The following CABIN1 variants were observed in gnomAD, a reference collection of about 807,000 sequenced individuals.
The protein encoded by CABIN1 is calcineurin-binding protein cabin-1.
CABIN1 carries 133 observed loss-of-function variants against 227.7 expected under a neutral mutation model. The observed-to-expected ratio is 0.58, with a 90% confidence interval of 0.51 to 0.67. The LOEUF is 0.67. Among genes scored for constraint, CABIN1 ranks in the 30% least tolerant of loss-of-function variants. The pLI is 0.00. For missense variants in CABIN1, 2,408 were observed against 2,852.5 expected (o/e 0.84, Z 3.55); for synonymous variants, 1,086 against 1,155.1 (o/e 0.94, Z 1.21).
chr22:24,120,454 C>G lies in CABIN1; in HGVS notation c.4632+756C>G, dbSNP rs189468295. On this transcript the variant is annotated intron_variant, in intron 28 of 36. Coordinates refer to ENST00000263119, the MANE Select transcript of CABIN1 (RefSeq NM_012295.4). ...CTTTATTTTCCTTTAGTCTCTCACC[C>G]AGGAGGTGTTGGGGAGTGTCCTGGT... is the stretch of plus-strand genomic sequence containing the variant. Among the ~76,000 whole-genome samples, 7 of 152,282 alleles carry G rather than the reference C, an allele frequency of 4.6e-5. No homozygotes were observed. In the East Asian group the frequency reaches 1.4e-3, roughly 29 times the overall value.
chr22:24,168,442 T>C lies in CABIN1; in HGVS notation c.5683-5T>C. 2 of 1,568,564 alleles carry C rather than the reference T, an allele frequency of 1.3e-6. No homozygotes were observed. Among genetic ancestry groups the C allele is most frequent in the Non-Finnish European group, 1.7e-6 (2 of 1,156,714 alleles). On this transcript the variant is annotated splice_polypyrimidine_tract_variant and splice_region_variant and intron_variant, in intron 32 of 36. Coordinates refer to ENST00000263119, the MANE Select transcript of CABIN1 (RefSeq NM_012295.4). ...CCCCCTGACTTCCAGCATCTCCCTG[T>C]TAAGGTGGATGAGGAGGCTGCGCTG...
intron 10 of CABIN1, chr22:24,056,572 G>C (rs2038814652): frequency 5.1e-6 from 3 of 585,586 alleles, no homozygotes; most frequent in Non-Finnish European, 6.0e-6. Flanking sequence ...CCTGAAGTCA[G>C]GAGCTGTGAC....
At chr22:24,050,491 CTTTTAAGATT>C in intron 7 of CABIN1, among the ~76,000 whole-genome samples, 1 of 152,304 alleles carries the variant, frequency 6.6e-6, no homozygotes, top group Non-Finnish European at 1.5e-5. Context: ...TAGTTACATT[CTTTTAAGATT>C]TTCTAATAAT....
chr22:24,144,230 C>G (rs2044966403), intron 29 of CABIN1, among the ~76,000 whole-genome samples: 1 of 152,246 alleles, frequency 6.6e-6, no homozygotes, highest in Admixed American at 6.5e-5. Flanking sequence ...CATCTAAGCT[C>G]TCTGTTCCAG....
At chr22:24,014,342 G>A (rs970414556) in intron 1 of CABIN1, among the ~76,000 whole-genome samples, 1 of 151,622 alleles carries the variant, frequency 6.6e-6, no homozygotes, top group Non-Finnish European at 1.5e-5. Context: ...TCATTATTTT[G>A]TTGCTTACTG....
chr22:24,160,869 G>A (rs1425554278), intron 29 of CABIN1, among the ~76,000 whole-genome samples: 3 of 152,258 alleles, frequency 2.0e-5, no homozygotes, highest in Non-Finnish European at 4.4e-5. Flanking sequence ...CAAGAGCACA[G>A]GCTGGCCCGG....
chr22:24,040,085 G>T (rs776659585), intron 4 of CABIN1, among the ~76,000 whole-genome samples: 5 of 152,178 alleles, frequency 3.3e-5, no homozygotes, highest in Non-Finnish European at 5.9e-5. Context: ...ATTGCTGATT[G>T]TTTAGTTCGA....
intron 26 of CABIN1, among the ~76,000 whole-genome samples, chr22:24,099,802 C>T (rs1303436653): frequency 1.3e-5 from 2 of 152,200 alleles, no homozygotes; most frequent in African/African-American, 2.4e-5. Context: ...CTAGGGAACC[C>T]AAGCACTGTC....
chr22:24,072,018 G>T (rs538019811), intron 17 of CABIN1, among the ~76,000 whole-genome samples: 3 of 152,218 alleles, frequency 2.0e-5, no homozygotes, highest in Admixed American at 2.0e-4. Flanking sequence ...CAGCCATACT[G>T]ACTCTTTGCA....
Position 24,020,004 on chromosome 22 carries a change from T to G in CABIN1, c.-75+8637T>G, listed in dbSNP as rs529314191. ...ATTGATTTATCTCTTCTAATTTTATTGGCTAATATTGCACAGGTGGATAGT... is the reference window on the plus strand; with the variant it reads ...ATTGATTTATCTCTTCTAATTTTATGGGCTAATATTGCACAGGTGGATAGT... On this transcript the variant is annotated intron_variant, in intron 1 of 36. Coordinates refer to ENST00000263119, the MANE Select transcript of CABIN1 (RefSeq NM_012295.4). Among the ~76,000 whole-genome samples, 12 of 152,270 alleles carry G rather than the reference T, an allele frequency of 7.9e-5. No homozygotes were observed. In the East Asian group the frequency reaches 2.1e-3, roughly 27 times the overall value.
chr22:24,149,071 A>G (rs566616305), intron 29 of CABIN1, among the ~76,000 whole-genome samples: 1 of 152,336 alleles, frequency 6.6e-6, no homozygotes, highest in Admixed American at 6.5e-5. Context: ...TTGAAATCCA[A>G]AAGCAGAGCT....
At chr22:24,033,751 T>C in intron 1 of CABIN1, among the ~76,000 whole-genome samples, 1 of 152,230 alleles carries the variant, frequency 6.6e-6, no homozygotes, top group East Asian at 1.9e-4. Flanking sequence ...TTTTTAAAAA[T>C]AAGAGCTTTG....
chr22:24,098,277 G>A lies in CABIN1; in HGVS notation c.4117+85G>A, dbSNP rs532818577. ...CTCGGACGACTCATTTTGTCGCTTC[G>A]TTTTGGTGAGGGGGGGTGCTGGGTC... On this transcript the variant is annotated intron_variant, in intron 26 of 36. Transcript: ENST00000263119. The A allele has an allele frequency of 8.9e-4, 1,399 of 1,573,028 alleles. 1 individual carries two copies. Among genetic ancestry groups the A allele is most frequent in the Middle Eastern group, 1.6e-3 (8 of 4,894 alleles).
At chr22:24,157,241 G>A (rs1466294764) in intron 29 of CABIN1, among the ~76,000 whole-genome samples, 3 of 152,170 alleles carry the variant, frequency 2.0e-5, no homozygotes, top group Admixed American at 2.0e-4. Context: ...CAACCTTAGG[G>A]GAGGAACAGG....
intron 24 of CABIN1, among the ~76,000 whole-genome samples, chr22:24,094,823 C>CAAAAAAAAAAAAA (rs201624847): frequency 3.8e-5 from 3 of 78,370 alleles, no homozygotes; most frequent in Non-Finnish European, 8.8e-5. Context: ...GACTCCGTCT[C>CAAAAAAAAAAAAA]AAAAAAAAAA....
intron 29 of CABIN1, among the ~76,000 whole-genome samples, chr22:24,141,964 T>G (rs2044789485): frequency 6.6e-6 from 1 of 152,098 alleles, no homozygotes; most frequent in South Asian, 2.1e-4. Flanking sequence ...CCCACCCAAT[T>G]TCTGGTACCC....
chr22:24,087,410 A>C, intron 22 of CABIN1, 42 bp from the exon 23 acceptor site: 1 of 1,609,752 alleles, frequency 6.2e-7, no homozygotes, highest in Non-Finnish European at 8.5e-7. Context: ...CATGCTTTTC[A>C]TGTAGTGTTG....
chr22:24,054,894 C>T lies in CABIN1; in HGVS notation c.828C>T (p.Ser276=). ...TTAGCTGGAAGTGCCTCGGAGAGAG[C>T]TTGCTGGCCATGTACAATCATCTCA... The part of the protein sequence containing the change: ...PFFTWKCLGE[S]LLAMYNHLTT... Residue 276 remains serine (S), a synonymous_variant, in exon 9 of 37, where the codon AGC becomes AGT. Coordinates refer to ENST00000263119, the MANE Select transcript of CABIN1 (RefSeq NM_012295.4). 1.9e-6 allele frequency: 3 copies of T among 1,614,184 alleles called. No individual in the cohort carries two copies. The highest frequency in any genetic ancestry group is 2.5e-6 in the Non-Finnish European group (3 of 1,180,030).
intron 1 of CABIN1, among the ~76,000 whole-genome samples, chr22:24,029,947 C>T (rs1315601716): frequency 1.3e-5 from 2 of 152,174 alleles, no homozygotes; most frequent in Non-Finnish European, 2.9e-5. Flanking sequence ...CAGCCTGAGG[C>T]AAATCACCTA....
Sources: gnomAD v4.1 joint callset for allele counts (sites outside exome capture counted in the v4.1 genomes callset) on GRCh38, gnomAD v4.1.1 for gene constraint, MANE v1.5 for transcripts, NCBI Gene and HGNC (gene_info 2026-07-23, HGNC 2026-07-21) for gene names.